Variants in ABHD10 observed in about 807,000 individuals in gnomAD.
The protein encoded by ABHD10 is abhydrolase domain containing 10, depalmitoylase.
ABHD10 carries 22 observed loss-of-function variants against 33.1 expected under a neutral mutation model. That is an observed-to-expected ratio of 0.66 (90% CI 0.47 to 0.95). The LOEUF (loss-of-function observed/expected upper bound fraction) is 0.95. Among genes scored for constraint, ABHD10 ranks in the 40% least tolerant of loss-of-function variants. ABHD10 has a pLI of 0.00. For synonymous variants in ABHD10, 146 were observed against 133.9 expected (o/e 1.09, Z -0.62); for missense variants, 352 against 379.9 (o/e 0.93, Z 0.61).
intron 2 of ABHD10, 139 bp from the exon 3 acceptor site, chr3:111,986,125 A>G: frequency 1.9e-6 from 1 of 532,574 alleles, no homozygotes; most frequent in Non-Finnish European, 3.3e-6. Context: ...TAATAAGCCA[A>G]TAGAATTTGC....
Position 111,990,829 on chromosome 3 carries a change from C to T in ABHD10, c.577-548C>T, listed in dbSNP as rs1018395390. ...CTGTGTTTGATTCTTTCTCTTCTTTCCCTATGCCATATCCATTTTAGCTAC... is the reference window on the plus strand; with the variant it reads ...CTGTGTTTGATTCTTTCTCTTCTTTTCCTATGCCATATCCATTTTAGCTAC... On this transcript the variant is annotated intron_variant, in intron 4 of 4. Transcript: ENST00000273359. 6.4e-5 allele frequency: 50 copies of T among 778,050 alleles called. No homozygotes were observed. In the African/African-American group the frequency reaches 7.7e-4, roughly 12 times the overall value. 48.2% of individuals were successfully genotyped at this position (778,050 alleles called of 1,614,324 possible).
At chr3:111,984,927 G>A (rs2072635408) in intron 2 of ABHD10, among the ~76,000 whole-genome samples, 1 of 152,152 alleles carries the variant, frequency 6.6e-6, no homozygotes, top group Non-Finnish European at 1.5e-5. Flanking sequence ...AGTATTCTGT[G>A]GCCTGGAAAA....
chr3:111,986,426 CTGTT>C (rs2072662538), intron 3 of ABHD10, 51 bp downstream of exon 3: 3 of 860,290 alleles, frequency 3.5e-6, no homozygotes, highest in Non-Finnish European at 5.3e-6. Flanking sequence ...CGTATTTAAG[CTGTT>C]TGTTTTGTTT....
chr3:111,984,572 A>AAAAATTT (rs2072629327), intron 2 of ABHD10, among the ~76,000 whole-genome samples: 1 of 152,174 alleles, frequency 6.6e-6, no homozygotes, highest in African/African-American at 2.4e-5. Flanking sequence ...CTACTGTAAA[A>AAAAATTT]TTTAGTAGTA....
At chr3:111,982,510 A>T (rs896756362) in intron 2 of ABHD10, among the ~76,000 whole-genome samples, 2 of 152,132 alleles carry the variant, frequency 1.3e-5, no homozygotes, top group African/African-American at 4.8e-5. Context: ...AAATAACTTT[A>T]TGTTATTATA....
intron 4 of ABHD10, among the ~76,000 whole-genome samples, chr3:111,988,437 C>T (rs2072699266): frequency 6.6e-6 from 1 of 151,992 alleles, no homozygotes; most frequent in Non-Finnish European, 1.5e-5. Context: ...ACTCCTTGCT[C>T]CATCCTCTTA....
chr3:111,990,870 G>T, intron 4 of ABHD10: 1 of 452,302 alleles, frequency 2.2e-6, no homozygotes, highest in Non-Finnish European at 3.6e-6. Context: ...AGCACTTTTA[G>T]GTTTACAATT....
intron 3 of ABHD10, among the ~76,000 whole-genome samples, chr3:111,986,624 A>G (rs1051726945): frequency 6.6e-6 from 1 of 152,098 alleles, no homozygotes; most frequent in Non-Finnish European, 1.5e-5. Flanking sequence ...TTTAGTAGAG[A>G]TGGGGTTTCA....
chr3:111,991,556 AC>A lies in ABHD10; in HGVS notation c.758del (p.Pro253LeufsTer29). ...LLHGMKDDIV[P>X]WHTSMQVADR... ...TCCATGGCATGAAGGATGACATTGT[AC>A]CTTGGCATACATCAATGCAGGTTGC... On this transcript the variant is annotated frameshift_variant, in exon 5 of 5. Transcript: ENST00000273359. LOFTEE classifies it high-confidence loss of function. The A allele has an allele frequency of 6.2e-7, 1 of 1,614,134 alleles. No homozygotes were observed. The highest frequency in any genetic ancestry group is 8.5e-7 in the Non-Finnish European group (1 of 1,179,994).
chr3:111,986,304 G>C lies in ABHD10; in HGVS notation c.367G>C (p.Glu123Gln), dbSNP rs371246123. ...SGVGSSDGNS[E>Q]ESTLGKWRKD... The stretch of plus-strand genomic sequence containing the variant: ...AGTTGGAAGTTCAGATGGTAACTCA[G>C]AGGAAAGCACACTGGGGAAATGGAG... The change falls in exon 3 of 5, where the codon GAG (glutamate) becomes CAG (glutamine). Residue 123 changes from glutamate to glutamine, a missense_variant. Coordinates refer to ENST00000273359, the MANE Select transcript of ABHD10 (RefSeq NM_018394.4). 1 of 1,614,038 alleles carries C rather than the reference G, an allele frequency of 6.2e-7. No homozygotes were observed. Among genetic ancestry groups the C allele is most frequent in the Non-Finnish European group, 8.5e-7 (1 of 1,179,958 alleles).
At position 111,992,811 on chromosome 3, in the gene ABHD10, G is replaced by A. The variant is rs1367342484; in HGVS notation, c.*1090G>A. The A allele has an allele frequency of 6.6e-6, 1 of 152,128 alleles. No individual in the cohort carries two copies. The highest frequency in any genetic ancestry group is 2.1e-4 in the South Asian group (1 of 4,822). 9.4% of individuals were successfully genotyped at this position (152,128 alleles called of 1,614,324 possible). A position where few individuals can be genotyped will look rare whatever the true frequency, so the allele number is the denominator to read the frequency against. On this transcript the variant is annotated 3_prime_UTR_variant, in exon 5 of 5. Coordinates refer to ENST00000273359, the MANE Select transcript of ABHD10 (RefSeq NM_018394.4). ...GAGGAAACCAGCAGATAGTAAACCT[G>A]GTTCAAAGTACAATTCAAGAAACTG...
In ABHD10 at chr3:111,986,362, C is replaced by G; in HGVS notation, c.425C>G (p.Ala142Gly). The G allele has an allele frequency of 1.2e-6, 2 of 1,610,520 alleles. No homozygotes were observed. The highest frequency in any genetic ancestry group is 2.2e-5 in the South Asian group (2 of 90,984). The change falls in exon 3 of 5, where the codon GCT (alanine) becomes GGT (glycine). Residue 142 changes from alanine to glycine, a missense_variant. Transcript: ENST00000273359. Reference protein sequence around the residue: ...KDVLSIIDDLADGPQILVGSS... With the variant: ...KDVLSIIDDLGDGPQILVGSS... ...GTTCTTTCTATAATTGATGACTTAG[C>G]TGATGGGCCACAGGTGACTGTTTTG...
intron 2 of ABHD10, 121 bp downstream of exon 2, chr3:111,982,088 A>G (rs959223134): frequency 2.4e-6 from 2 of 833,700 alleles, no homozygotes; most frequent in African/African-American, 1.8e-5. Flanking sequence ...AATGGTCTGT[A>G]AACTTGCATC....
chr3:111,990,721 AT>A, intron 4 of ABHD10: 1 of 1,428,826 alleles, frequency 7.0e-7, no homozygotes, highest in Non-Finnish European at 9.3e-7. Flanking sequence ...GAAAAACTAT[AT>A]TTCTTTACAT....
chr3:111,985,255 T>G (rs2072640690), intron 2 of ABHD10, among the ~76,000 whole-genome samples: 2 of 152,150 alleles, frequency 1.3e-5, no homozygotes, highest in Non-Finnish European at 2.9e-5. Context: ...AGGTAACCTG[T>G]GGGTGTGGTA....
intron 4 of ABHD10, among the ~76,000 whole-genome samples, chr3:111,989,248 A>G (rs186641816): frequency 6.6e-6 from 1 of 152,316 alleles, no homozygotes; most frequent in Non-Finnish European, 1.5e-5. Context: ...GACTCTAATC[A>G]TTATCACCTT....
chr3:111,988,896 A>G (rs545101562), intron 4 of ABHD10, among the ~76,000 whole-genome samples: 1 of 152,274 alleles, frequency 6.6e-6, no homozygotes, highest in East Asian at 1.9e-4. Context: ...GGCCATGTAC[A>G]TTTCTCTGCG....
chr3:111,982,302 G>A (rs1341734596), intron 2 of ABHD10: 1 of 176,694 alleles, frequency 5.7e-6, no homozygotes, highest in African/African-American at 2.4e-5. Context: ...TTCCACTGGG[G>A]ACTTAAGGAC....
At chr3:111,981,501 CTCTG>C (rs10601206) in intron 1 of ABHD10, among the ~76,000 whole-genome samples, 31,355 of 151,816 alleles carry the variant, frequency 0.21, 3,320 homozygotes, top group Middle Eastern at 0.28. Flanking sequence ...TTCGATTAGT[CTCTG>C]TCTTTTGTTG....
Sources: gnomAD v4.1 joint callset for allele counts (sites outside exome capture counted in the v4.1 genomes callset) on GRCh38, gnomAD v4.1.1 for gene constraint, MANE v1.5 for transcripts, NCBI Gene and HGNC (gene_info 2026-07-23, HGNC 2026-07-21) for gene names.